CACNA1I: variants seen among roughly 807,000 people sequenced by gnomAD.
The protein encoded by CACNA1I is voltage-dependent T-type calcium channel subunit alpha-1I.
Under a neutral mutation model 201.6 loss-of-function variants are expected in CACNA1I, and 74 were observed. The observed-to-expected ratio is 0.37, with a 90% confidence interval of 0.30 to 0.45. The LOEUF (loss-of-function observed/expected upper bound fraction) is 0.45, where lower values mean the gene tolerates loss of function less well. Ranked by LOEUF, CACNA1I falls within the 20% of genes least tolerant of loss-of-function variation. CACNA1I has a pLI of 1.00. For missense variants in CACNA1I, 2,346 were observed against 3,138.1 expected (o/e 0.75, Z 6.03); for synonymous variants, 1,431 against 1,345.2 (o/e 1.06, Z -1.40).
intron 3 of CACNA1I, among the ~76,000 whole-genome samples, chr22:39,608,225 C>A (rs952872111): frequency 6.6e-6 from 1 of 152,068 alleles, no homozygotes; most frequent in Non-Finnish European, 1.5e-5. Context: ...TAGCTTGAAC[C>A]GGGTGGTAGA....
chr22:39,649,241 C>G lies in CACNA1I; in HGVS notation c.1568-260C>G, dbSNP rs963354548. 1.3e-5 allele frequency among the ~76,000 whole-genome samples: 2 copies of G among 152,196 alleles called. No individual in the cohort carries two copies. The highest frequency in any genetic ancestry group is 4.8e-5 in the African/African-American group (2 of 41,450). On this transcript the variant is annotated intron_variant, in intron 9 of 36. Transcript: ENST00000402142. This position sits in a 1 kb window ranked among gnomAD's most constrained non-coding sequence, Gnocchi z 7.3. Reference sequence around the variant, plus strand: ...ATGCGCGCCCTGCACCGTGCTGGGCCCATCATGTGCCTTAAGGGAGAGAAT... The same window carrying G: ...ATGCGCGCCCTGCACCGTGCTGGGCGCATCATGTGCCTTAAGGGAGAGAAT...
intron 4 of CACNA1I, among the ~76,000 whole-genome samples, chr22:39,631,038 G>C (rs986352979): frequency 2.0e-5 from 3 of 152,172 alleles, no homozygotes; most frequent in African/African-American, 7.2e-5. Flanking sequence ...GAAGGTGGGG[G>C]ATAAGGATTT....
intron 24 of CACNA1I, among the ~76,000 whole-genome samples, chr22:39,669,395 C>T (rs1360085351): frequency 6.6e-6 from 1 of 152,236 alleles, no homozygotes; most frequent in Non-Finnish European, 1.5e-5. Context: ...ACATGGATTC[C>T]ACCAAGGAAT....
chr22:39,681,010 C>G lies in CACNA1I; in HGVS notation c.5622C>G (p.Leu1874=), dbSNP rs369779660. ...TCCTGCTGGGTGACGACCTGAGTCT[C>G]GAGGACCCCACAGCCTGCCCACCTG... ...SSILLGDDLS[L]EDPTACPPGR... is the part of the protein sequence containing the mutation. Residue 1874 remains leucine (L), a synonymous_variant, in exon 34 of 37, where the codon CTC becomes CTG. Coordinates refer to ENST00000402142, the MANE Select transcript of CACNA1I (RefSeq NM_021096.4). 1 of 1,611,450 alleles carries G rather than the reference C, an allele frequency of 6.2e-7. No individual in the cohort carries two copies. Among genetic ancestry groups the G allele is most frequent in the Admixed American group, 1.7e-5 (1 of 59,900 alleles).
chr22:39,603,914 C>T (rs1933136743), intron 3 of CACNA1I, among the ~76,000 whole-genome samples: 1 of 152,134 alleles, frequency 6.6e-6, no homozygotes, highest in Non-Finnish European at 1.5e-5. Flanking sequence ...TACATCTCTG[C>T]CAGATAAAAA....
intron 10 of CACNA1I, among the ~76,000 whole-genome samples, chr22:39,653,119 TGTGGGTGCACGGAGC>T (rs1378384434): frequency 2.2e-4 from 23 of 102,732 alleles, no homozygotes; most frequent in African/African-American, 5.8e-4. Context: ...CTGACTGCAT[TGTGGGTGCACGGAGC>T]CCCCCACACA....
At chr22:39,658,421 A>G (rs1287927426) in intron 11 of CACNA1I, 118 bp downstream of exon 11, 6 of 933,768 alleles carry the variant, frequency 6.4e-6, no homozygotes, top group African/African-American at 1.6e-5. Context: ...CACTGAAACA[A>G]TTATCGAAAT....
intron 1 of CACNA1I, among the ~76,000 whole-genome samples, chr22:39,578,626 G>A (rs1006358458): frequency 4.6e-5 from 7 of 151,896 alleles, no homozygotes; most frequent in African/African-American, 1.7e-4. Context: ...TTGGGGGTTT[G>A]TCTGCTGTCA....
rs374739903 is a variant in CACNA1I at position 39,629,872 on chromosome 22, C to G, written c.581-4693C>G. Among the ~76,000 whole-genome samples, 13 of 152,230 alleles carry G rather than the reference C, an allele frequency of 8.5e-5. No individual in the cohort carries two copies. The highest frequency in any genetic ancestry group is 3.4e-3 in the Middle Eastern group (1 of 294). On this transcript the variant is annotated intron_variant, in intron 4 of 36. Coordinates refer to ENST00000402142, the MANE Select transcript of CACNA1I (RefSeq NM_021096.4). The surrounding 1 kb of genome is among the most constrained non-coding windows in gnomAD (Gnocchi z 4.8). ...CTCTCTCTCCTCTGCCCTGGCCCCCCGCGATCCATTCTCCACCCAGCAGCC... is the reference window on the plus strand; with the variant it reads ...CTCTCTCTCCTCTGCCCTGGCCCCCGGCGATCCATTCTCCACCCAGCAGCC...
At chr22:39,674,163 G>A (rs1935452821) in intron 29 of CACNA1I, 130 bp downstream of exon 29, 8 of 826,984 alleles carry the variant, frequency 9.7e-6, no homozygotes. Flanking sequence ...CTCTGGGGAT[G>A]CATTTTGAGC....
chr22:39,642,125 C>T (rs1380567004), intron 6 of CACNA1I, among the ~76,000 whole-genome samples: 1 of 152,194 alleles, frequency 6.6e-6, no homozygotes, highest in African/African-American at 2.4e-5. Context: ...CTCTGCTGCC[C>T]TGGGCACTTT....
At chr22:39,674,070 C>T in intron 29 of CACNA1I, 37 bp downstream of exon 29, 1 of 1,595,980 alleles carries the variant, frequency 6.3e-7, no homozygotes. Context: ...TCCTAGGGGT[C>T]ATTGGTGTCA....
chr22:39,632,541 G>A (rs991014160), intron 4 of CACNA1I, among the ~76,000 whole-genome samples: 6 of 151,986 alleles, frequency 3.9e-5, no homozygotes, highest in African/African-American at 1.4e-4. Flanking sequence ...TCAACACTTG[G>A]TCCCCTGTCC....
At chr22:39,586,745 A>G (rs1932757528) in intron 1 of CACNA1I, among the ~76,000 whole-genome samples, 1 of 152,092 alleles carries the variant, frequency 6.6e-6, no homozygotes, top group South Asian at 2.1e-4. Flanking sequence ...GGCAGGGGAG[A>G]CACGCGGCAG....
Position 39,649,312 on chromosome 22 carries a change from A to G in CACNA1I, c.1568-189A>G, listed in dbSNP as rs1934580255. Among the ~76,000 whole-genome samples, 1 of 152,218 alleles carries G rather than the reference A, an allele frequency of 6.6e-6. No individual in the cohort carries two copies. The highest frequency in any genetic ancestry group is 1.5e-5 in the Non-Finnish European group (1 of 68,030). On this transcript the variant is annotated intron_variant, in intron 9 of 36. Transcript: ENST00000402142. The surrounding 1 kb of genome is among the most constrained non-coding windows in gnomAD (Gnocchi z 7.3). Reference sequence around the variant, plus strand: ...GGGCGTTCCTGCCCCAACTTCTACAACAGGGGCAGACAAAGCTCAGAGAGC... The same window carrying G: ...GGGCGTTCCTGCCCCAACTTCTACAGCAGGGGCAGACAAAGCTCAGAGAGC...
In CACNA1I at chr22:39,676,052, T is replaced by C. The variant is rs1425443196; in HGVS notation, c.4855-1289T>C. ...TCTGCTGGCTGGGAGGAGAATGGAT[T>C]GGAGGGAGAGGCTGGAGGCAGGGAA... On this transcript the variant is annotated intron_variant, in intron 29 of 36. Transcript: ENST00000402142. This position sits in a 1 kb window ranked among gnomAD's most constrained non-coding sequence, Gnocchi z 4.8. Among the ~76,000 whole-genome samples, 1 of 151,942 alleles carries C rather than the reference T, an allele frequency of 6.6e-6. No individual in the cohort carries two copies. Among genetic ancestry groups the C allele is most frequent in the African/African-American group, 2.4e-5 (1 of 41,350 alleles).
intron 1 of CACNA1I, among the ~76,000 whole-genome samples, chr22:39,573,400 C>G (rs1236450386): frequency 6.6e-6 from 1 of 152,100 alleles, no homozygotes; most frequent in African/African-American, 2.4e-5. Flanking sequence ...CCAGCTGCGT[C>G]TCTGATGGGC....
chr22:39,575,985 G>T (rs1439715741), intron 1 of CACNA1I, among the ~76,000 whole-genome samples: 2 of 152,146 alleles, frequency 1.3e-5, no homozygotes, highest in African/African-American at 4.8e-5. Context: ...ATTTCAGCCA[G>T]GCTGGTCTTG....
chr22:39,628,250 G>A (rs1933953346), intron 4 of CACNA1I, among the ~76,000 whole-genome samples: 1 of 152,184 alleles, frequency 6.6e-6, no homozygotes, highest in Admixed American at 6.5e-5. Context: ...CGAGACCCTG[G>A]CCAGATGTGG....
Sources: gnomAD v4.1 joint callset for allele counts (sites outside exome capture counted in the v4.1 genomes callset) on GRCh38, gnomAD v4.1.1 for gene constraint, Gnocchi (gnomAD v3.1) non-coding constraint, MANE v1.5 for transcripts, NCBI Gene and HGNC (gene_info 2026-07-23, HGNC 2026-07-21) for gene names.